Variants in LRFN3 observed in about 807,000 individuals in gnomAD.
LRFN3 encodes the protein leucine-rich repeat and fibronectin type-III domain-containing protein 3.
In LRFN3, 8 loss-of-function variants were observed where a neutral mutation model predicts 23.8. That is an observed-to-expected ratio of 0.34 (90% CI 0.20 to 0.61). LRFN3 has a LOEUF of 0.61. Among genes scored for constraint, LRFN3 ranks in the 20% least tolerant of loss-of-function variants. The probability of loss-of-function intolerance (pLI) is 0.80; values close to 1 mark genes in which losing one functional copy is unlikely to be tolerated. For synonymous variants in LRFN3, 451 were observed against 450.6 expected (o/e 1.00, Z -0.01); for missense variants, 736 against 935.3 (o/e 0.79, Z 2.78).
In LRFN3 at chr19:35,944,661, C is replaced by T. The variant is rs1295470979; in HGVS notation, c.1529C>T (p.Thr510Met). The part of the protein sequence containing the change: ...YEDSATGLTA[T>M]RPVGCARFST... ...GACAGCGCCACGGGGCTCACGGCCA[C>T]GCGGCCTGTGGGCTGCGCCCGCTTC... Residue 510 changes from threonine to methionine, a missense_variant, in exon 3 of 3, where the codon ACG becomes ATG. Thr to Met is a moderately conservative substitution (Grantham distance 81, BLOSUM62 -1). Around this residue, in one of 2 missense-constraint regions of LRFN3, gnomAD observed 290 missense variants for 287.4 expected, o/e 1.01. Coordinates refer to ENST00000246529, the MANE Select transcript of LRFN3 (RefSeq NM_024509.2). This position sits in a 1 kb window ranked among gnomAD's most constrained non-coding sequence, Gnocchi z 4.5. 1.3e-6 allele frequency: 2 copies of T among 1,596,854 alleles called. No individual in the cohort carries two copies. The highest frequency in any genetic ancestry group is 1.7e-5 in the Admixed American group (1 of 58,760).
At chr19:35,943,542 C>T (rs1175263590) in intron 2 of LRFN3, among the ~76,000 whole-genome samples, 1 of 151,986 alleles carries the variant, frequency 6.6e-6, no homozygotes, top group African/African-American at 2.4e-5. Context: ...AGAATCCTAG[C>T]TGTACACTAG....
In LRFN3 at chr19:35,940,046, C is replaced by T. The variant is rs962660051; in HGVS notation, c.621C>T (p.Ala207=). ...CTTTTTCCCGCCTGCACAAGCTGGCCCGGCTGGACATGACCTCCAACCGCC... is the reference window on the plus strand; with the variant it reads ...CTTTTTCCCGCCTGCACAAGCTGGCTCGGCTGGACATGACCTCCAACCGCC... The part of the protein sequence containing the change: ...AGAFSRLHKL[A]RLDMTSNRLT... Residue 207 remains alanine, a synonymous_variant, in exon 2 of 3, where the codon GCC becomes GCT. Transcript: ENST00000246529. 2 of 1,612,530 alleles carry T rather than the reference C, an allele frequency of 1.2e-6. No individual in the cohort carries two copies. Among genetic ancestry groups the T allele is most frequent in the Non-Finnish European group, 1.7e-6 (2 of 1,179,778 alleles).
chr19:35,941,230 C>T (rs1202412602), intron 2 of LRFN3, among the ~76,000 whole-genome samples: 3 of 133,424 alleles, frequency 2.2e-5, no homozygotes, highest in Non-Finnish European at 3.2e-5. Flanking sequence ...AACCAGGCAG[C>T]GGGAGGAGAA....
Position 35,939,465 on chromosome 19 carries a change from G to T in LRFN3, c.40G>T (p.Ala14Ser), listed in dbSNP as rs1453307536. Reference sequence around the variant, plus strand: ...GTTGCTCCTGTGCCTGCTGCCGCTGGCCCCTGCCTCATCCCCACCCCAGTC... The same window carrying T: ...GTTGCTCCTGTGCCTGCTGCCGCTGTCCCCTGCCTCATCCCCACCCCAGTC... ...LPLLLCLLPL[A>S]PASSPPQSAT... Residue 14 changes from alanine to serine, a missense_variant, in exon 2 of 3, where the codon GCC (alanine) becomes TCC (serine). By Grantham distance (99) the Ala-to-Ser change is moderately conservative. Around this residue, in one of 2 missense-constraint regions of LRFN3, gnomAD observed 446 missense variants for 647.9 expected, o/e 0.69. Coordinates refer to ENST00000246529, the MANE Select transcript of LRFN3 (RefSeq NM_024509.2). This position sits in a 1 kb window ranked among gnomAD's most constrained non-coding sequence, Gnocchi z 6.4. 2 of 1,598,186 alleles carry T rather than the reference G, an allele frequency of 1.3e-6. No homozygotes were observed. Among genetic ancestry groups the T allele is most frequent in the Non-Finnish European group, 8.5e-7 (1 of 1,174,554 alleles).
rs1021189712 is a variant in LRFN3, at chr19:35,936,894, A to C, written c.-678A>C. ...CTCAACATCGGTCACTGGGACCTCA[A>C]TATTTGGAGCCGGAACCCCACAATT... On this transcript the variant is annotated 5_prime_UTR_variant, in exon 1 of 3. Coordinates refer to ENST00000246529, the MANE Select transcript of LRFN3 (RefSeq NM_024509.2). 2 of 152,138 alleles carry C rather than the reference A, an allele frequency of 1.3e-5. No individual in the cohort carries two copies. The highest frequency in any genetic ancestry group is 4.8e-5 in the African/African-American group (2 of 41,426). 9.4% of individuals were successfully genotyped at this position (152,138 alleles called of 1,614,324 possible).
At chr19:35,937,806 T>C (rs11882386) in intron 1 of LRFN3, among the ~76,000 whole-genome samples, 19,725 of 152,170 alleles carry the variant, frequency 0.13, 2,558 homozygotes, top group African/African-American at 0.33. Flanking sequence ...CTTACAGCCT[T>C]TCGCTGTCTA....
At position 35,946,139 on chromosome 19, in the gene LRFN3, T is replaced by TG. The variant is rs1248176859; in HGVS notation, c.*1124dup. ...GGTTTGGGAAAGATGATATGGCCAG[T>TG]GGGGAACTTGGTAGGTGTAGGGGGC... On this transcript the variant is annotated 3_prime_UTR_variant, in exon 3 of 3. Coordinates refer to ENST00000246529, the MANE Select transcript of LRFN3 (RefSeq NM_024509.2). Among the ~76,000 whole-genome samples, 1 of 151,550 alleles carries TG rather than the reference T, an allele frequency of 6.6e-6. No homozygotes were observed. The highest frequency in any genetic ancestry group is 1.5e-5 in the Non-Finnish European group (1 of 67,842).
In LRFN3 at chr19:35,939,329, G is replaced by T; in HGVS notation, c.-16-81G>T. The T allele has an allele frequency of 1.4e-6, 2 of 1,415,982 alleles. No homozygotes were observed. Among genetic ancestry groups the T allele is most frequent in the South Asian group, 2.7e-5 (2 of 74,846 alleles). 87.7% of individuals were successfully genotyped at this position (1,415,982 alleles called of 1,614,324 possible). A position where few individuals can be genotyped will look rare whatever the true frequency, so the allele number is the denominator to read the frequency against. On this transcript the variant is annotated intron_variant, in intron 1 of 2. Coordinates refer to ENST00000246529, the MANE Select transcript of LRFN3 (RefSeq NM_024509.2). This position sits in a 1 kb window ranked among gnomAD's most constrained non-coding sequence, Gnocchi z 6.4. The stretch of plus-strand genomic sequence containing the variant: ...AGCCCTTCTGCCCTCAGCCCACTGT[G>T]ACCTTCTCTCCTGGTCTCAGACCAC...
In LRFN3 at chr19:35,939,648, C is replaced by A; in HGVS notation, c.223C>A (p.Arg75Ser). The change falls in exon 2 of 3, where the codon CGC becomes AGC. Residue 75 changes from arginine (R) to serine (S), a missense_variant. By Grantham distance (110) the Arg-to-Ser change is moderately radical. Transcript: ENST00000246529. The surrounding 1 kb of genome is among the most constrained non-coding windows in gnomAD (Gnocchi z 6.4). ...GGCAGACAACTTCATCGCCTCCGTGCGCCGCCGCGACCTGGCCAACATGAC... is the reference window on the plus strand; with the variant it reads ...GGCAGACAACTTCATCGCCTCCGTGAGCCGCCGCGACCTGGCCAACATGAC... ...RLADNFIASVRRRDLANMTGL... is the reference protein window; with the variant it reads ...RLADNFIASVSRRDLANMTGL... 1 of 1,608,408 alleles carries A rather than the reference C, an allele frequency of 6.2e-7. No homozygotes were observed. The highest frequency in any genetic ancestry group is 8.5e-7 in the Non-Finnish European group (1 of 1,179,378).
At chr19:35,941,921 T>C (rs1355665752) in intron 2 of LRFN3, among the ~76,000 whole-genome samples, 2 of 147,118 alleles carry the variant, frequency 1.4e-5, no homozygotes, top group African/African-American at 2.5e-5. Flanking sequence ...CTCACTCTGT[T>C]GCCCAGGCTG....
rs1172998085 is a variant in LRFN3, at chr19:35,937,173, G to C, written c.-399G>C. On this transcript the variant is annotated 5_prime_UTR_variant, in exon 1 of 3. Coordinates refer to ENST00000246529, the MANE Select transcript of LRFN3 (RefSeq NM_024509.2). ...TGAAGTCCTTGCTGCAGACCTGAGT[G>C]CTTAAATCTGGGGCTTGAGACCTCC... 6.6e-6 allele frequency: 1 copy of C among 152,112 alleles called. No homozygotes were observed. The highest frequency in any genetic ancestry group is 6.6e-5 in the Admixed American group (1 of 15,260). 9.4% of individuals were successfully genotyped at this position (152,112 alleles called of 1,614,324 possible). A position where few individuals can be genotyped will look rare whatever the true frequency, so the allele number is the denominator to read the frequency against.
Position 35,944,708 on chromosome 19 carries a change from C to G in LRFN3, c.1576C>G (p.Pro526Ala). The G allele has an allele frequency of 6.2e-7, 1 of 1,604,136 alleles. No individual in the cohort carries two copies. The highest frequency in any genetic ancestry group is 1.1e-5 in the South Asian group (1 of 89,704). ...ARFSTEPALR[P>A]CGAPHAPFLG... ...CTTCTCCACCGAACCTGCGCTGCGGCCATGCGGGGCGCCGCACGCTCCCTT... is the reference window on the plus strand; with the variant it reads ...CTTCTCCACCGAACCTGCGCTGCGGGCATGCGGGGCGCCGCACGCTCCCTT... Residue 526 changes from proline (P) to alanine (A), a missense_variant, in exon 3 of 3, where the codon CCA becomes GCA. Around this residue, in one of 2 missense-constraint regions of LRFN3, gnomAD observed 290 missense variants for 287.4 expected, o/e 1.01. Coordinates refer to ENST00000246529, the MANE Select transcript of LRFN3 (RefSeq NM_024509.2). The surrounding 1 kb of genome is among the most constrained non-coding windows in gnomAD (Gnocchi z 4.5).
chr19:35,939,552 G>C lies in LRFN3; in HGVS notation c.127G>C (p.Val43Leu), dbSNP rs1472841083. The change falls in exon 2 of 3, where the codon GTG becomes CTG. Residue 43 changes from valine (V) to leucine (L), a missense_variant. By Grantham distance (32) the Val-to-Leu change is conservative. This residue lies in a region of LRFN3 where 446 missense variants were observed against 647.9 expected (regional missense o/e 0.69). Coordinates refer to ENST00000246529, the MANE Select transcript of LRFN3 (RefSeq NM_024509.2). This position sits in a 1 kb window ranked among gnomAD's most constrained non-coding sequence, Gnocchi z 6.4. ...CCAGACACAGTCGCTGCCCCTAAGC[G>C]TGCTGTGCCCAGGGGCAGGCCTCCT... is the stretch of plus-strand genomic sequence containing the variant. ...RCQTQSLPLS[V>L]LCPGAGLLFV... The C allele has an allele frequency of 6.2e-7, 1 of 1,608,392 alleles. No individual in the cohort carries two copies. Among genetic ancestry groups the C allele is most frequent in the Non-Finnish European group, 8.5e-7 (1 of 1,179,488 alleles).
rs1256705444 is a variant in LRFN3, at chr19:35,940,458, G to A, written c.1033G>A (p.Ala345Thr). 5 of 1,607,982 alleles carry A rather than the reference G, an allele frequency of 3.1e-6. No homozygotes were observed. The highest frequency in any genetic ancestry group is 2.2e-5 in the East Asian group (1 of 44,782). ...RLLGNSSRARAFPNGTLELLV... is the reference protein window; with the variant it reads ...RLLGNSSRARTFPNGTLELLV... ...GCTAGGCAACTCAAGCCGTGCCCGC[G>A]CCTTCCCCAATGGGACGCTGGAGCT... The change falls in exon 2 of 3, where the codon GCC becomes ACC. Residue 345 changes from alanine to threonine, a missense_variant. Ala to Thr is a moderately conservative substitution (Grantham distance 58). Coordinates refer to ENST00000246529, the MANE Select transcript of LRFN3 (RefSeq NM_024509.2).
In LRFN3 at chr19:35,939,792, G is replaced by T; in HGVS notation, c.367G>T (p.Gly123Cys). The T allele has an allele frequency of 6.2e-7, 1 of 1,604,068 alleles. No individual in the cohort carries two copies. Residue 123 changes from glycine to cysteine, a missense_variant, in exon 2 of 3, where the codon GGC becomes TGC. Around this residue, in one of 2 missense-constraint regions of LRFN3, gnomAD observed 446 missense variants for 647.9 expected, o/e 0.69. Transcript: ENST00000246529. This position sits in a 1 kb window ranked among gnomAD's most constrained non-coding sequence, Gnocchi z 6.4. ...GGATGGCAACCGGCTGACCTCACTG[G>T]GCGAGGGCCAGCTGCGCGGCCTGGT... ...HLDGNRLTSL[G>C]EGQLRGLVNL... is the part of the protein sequence containing the mutation.
chr19:35,938,218 C>T (rs1329232434), intron 1 of LRFN3, among the ~76,000 whole-genome samples: 1 of 151,876 alleles, frequency 6.6e-6, no homozygotes, highest in Admixed American at 6.6e-5. Context: ...CTGCTCTTGC[C>T]CTCCTCCCAC....
At position 35,940,549 on chromosome 19, in the gene LRFN3, C is replaced by G; in HGVS notation, c.1124C>G (p.Ala375Gly). Reference sequence around the variant, plus strand: ...ATTGCGGCCAATGCAGCTGGCGAGGCCACAGCTGCTGTGGAGCTGACTGTG... The same window carrying G: ...ATTGCGGCCAATGCAGCTGGCGAGGGCACAGCTGCTGTGGAGCTGACTGTG... ...TCIAANAAGE[A>G]TAAVELTVGP... Residue 375 changes from alanine (A) to glycine (G), a missense_variant, in exon 2 of 3, where the codon GCC (alanine) becomes GGC (glycine). Around this residue, in one of 2 missense-constraint regions of LRFN3, gnomAD observed 446 missense variants for 647.9 expected, o/e 0.69. Transcript: ENST00000246529. 1 of 1,612,810 alleles carries G rather than the reference C, an allele frequency of 6.2e-7. No individual in the cohort carries two copies. The highest frequency in any genetic ancestry group is 8.5e-7 in the Non-Finnish European group (1 of 1,179,920).
chr19:35,945,025 C>T lies in LRFN3; in HGVS notation c.*6C>T, dbSNP rs1241741607. ...ACGAACCTGTGGGACCCTAGCCAGG[C>T]GCCCCCCCCTCTAAGGGTCCTCTGG... is the stretch of plus-strand genomic sequence containing the variant. On this transcript the variant is annotated 3_prime_UTR_variant, in exon 3 of 3. Transcript: ENST00000246529. 5.2e-6 allele frequency: 7 copies of T among 1,352,356 alleles called. No homozygotes were observed. Among genetic ancestry groups the T allele is most frequent in the Middle Eastern group, 5.4e-4 (2 of 3,706 alleles). 83.8% of individuals were successfully genotyped at this position (1,352,356 alleles called of 1,614,324 possible). A position where few individuals can be genotyped will look rare whatever the true frequency, so the allele number is the denominator to read the frequency against.
rs551566749 is a variant in LRFN3, at chr19:35,939,930, G to C, written c.505G>C (p.Glu169Gln). The C allele has an allele frequency of 6.2e-7, 1 of 1,605,906 alleles. No individual in the cohort carries two copies. The change falls in exon 2 of 3, where the codon GAG becomes CAG. Residue 169 changes from glutamate to glutamine, a missense_variant. Glu to Gln is a conservative substitution (Grantham distance 29). Transcript: ENST00000246529. This position sits in a 1 kb window ranked among gnomAD's most constrained non-coding sequence, Gnocchi z 6.4. ...EDLDLSYNNL[E>Q]QLPWEALGRL... ...CCTCGACCTCTCCTACAACAACCTC[G>C]AGCAGCTGCCCTGGGAGGCCCTGGG...
Sources: allele counts gnomAD v4.1 joint callset (sites outside exome capture counted in the v4.1 genomes callset), GRCh38; gene constraint gnomAD v4.1.1; regional missense constraint gnomAD v4.1.1; non-coding constraint Gnocchi (gnomAD v3.1); transcripts MANE v1.5; gene names NCBI Gene and HGNC (gene_info 2026-07-23, HGNC 2026-07-21).